FARS2: variants seen among roughly 807,000 people sequenced by gnomAD.
FARS2 encodes the protein phenylalanyl-tRNA synthetase 2, mitochondrial.
Under a neutral mutation model 46.4 loss-of-function variants are expected in FARS2, and 40 were observed. The ratio of observed to expected loss-of-function variants is 0.86; its 90% confidence interval spans 0.67 to 1.12. The LOEUF (loss-of-function observed/expected upper bound fraction) is 1.12, where lower values mean the gene tolerates loss of function less well. Among genes scored for constraint, FARS2 ranks in the 50% most tolerant of loss-of-function variants. FARS2 has a pLI of 0.00. For missense variants in FARS2, 513 were observed against 567.9 expected (o/e 0.90, Z 0.98); for synonymous variants, 234 against 214.9 (o/e 1.09, Z -0.78).
chr6:5,728,211 G>A (rs1037827709), intron 6 of FARS2, among the ~76,000 whole-genome samples: 15 of 152,174 alleles, frequency 9.9e-5, no homozygotes, highest in Admixed American at 4.6e-4. Context: ...GAATTAGGCC[G>A]GGCCTGCAAT....
chr6:5,633,007 C>G (rs926638682), intron 6 of FARS2, among the ~76,000 whole-genome samples: 1 of 151,746 alleles, frequency 6.6e-6, no homozygotes, highest in Non-Finnish European at 1.5e-5. Flanking sequence ...TTTTTTCTTT[C>G]CTTTCTTTGC....
chr6:5,511,125 G>A (rs1274268364), intron 4 of FARS2, among the ~76,000 whole-genome samples: 1 of 152,160 alleles, frequency 6.6e-6, no homozygotes, highest in Non-Finnish European at 1.5e-5. Context: ...TTGGTCCAAC[G>A]TTTAGTCAAA....
In FARS2 at chr6:5,500,386, C is replaced by T. The variant is rs576853415; in HGVS notation, c.905-44794C>T. Among the ~76,000 whole-genome samples, 9 of 152,270 alleles carry T rather than the reference C, an allele frequency of 5.9e-5. 2 individuals are homozygous for T. Among genetic ancestry groups the T allele is most frequent in the African/African-American group, 1.9e-4 (8 of 41,548 alleles). The stretch of plus-strand genomic sequence containing the variant: ...CAAAGAGCTGCCCATATGGTTCTGT[C>T]GAAGCAGAATGGAGACCAAATAAGA... On this transcript the variant is annotated intron_variant, in intron 4 of 6. Transcript: ENST00000274680.
At chr6:5,260,875 T>C, upstream of FARS2, 2 of 1,442,952 alleles carry the variant, frequency 1.4e-6, no homozygotes, top group South Asian at 2.9e-5. Context: ...GGCCTAAGCC[T>C]AAGCGGGCAG....
chr6:5,400,048 C>T (rs1761162263), intron 2 of FARS2, among the ~76,000 whole-genome samples: 1 of 152,154 alleles, frequency 6.6e-6, no homozygotes, highest in Admixed American at 6.5e-5. Context: ...TCAAATTCAT[C>T]TCCAAAAGGG....
At chr6:5,640,195 T>G (rs1339379310) in intron 6 of FARS2, among the ~76,000 whole-genome samples, 1 of 151,996 alleles carries the variant, frequency 6.6e-6, no homozygotes, top group Non-Finnish European at 1.5e-5. Context: ...CATGCCTGGA[T>G]GCACACGTGT....
At chr6:5,540,908 A>G (rs1336387847) in intron 4 of FARS2, among the ~76,000 whole-genome samples, 1 of 152,166 alleles carries the variant, frequency 6.6e-6, no homozygotes, top group Non-Finnish European at 1.5e-5. Flanking sequence ...TATGACAAGG[A>G]CATATGATGT....
At chr6:5,364,531 T>C (rs1758522570) in intron 1 of FARS2, among the ~76,000 whole-genome samples, 1 of 152,208 alleles carries the variant, frequency 6.6e-6, no homozygotes, top group African/African-American at 2.4e-5. Context: ...AGGAAGATTT[T>C]ATTAATAGTG....
At chr6:5,555,725 T>G (rs892769693) in intron 5 of FARS2, among the ~76,000 whole-genome samples, 1 of 152,164 alleles carries the variant, frequency 6.6e-6, no homozygotes, top group Non-Finnish European at 1.5e-5. Context: ...TTTCTCATTT[T>G]ACTTCCCCCG....
At chr6:5,328,203 G>A (rs1202124643) in intron 1 of FARS2, among the ~76,000 whole-genome samples, 1 of 152,060 alleles carries the variant, frequency 6.6e-6, no homozygotes. Flanking sequence ...TTATTTTTAA[G>A]GAATTAGGAA....
intron 6 of FARS2, among the ~76,000 whole-genome samples, chr6:5,678,217 C>A (rs1778861549): frequency 6.6e-6 from 1 of 152,338 alleles, no homozygotes; most frequent in East Asian, 1.9e-4. Context: ...CCCACGTCCC[C>A]TCCCCTTACC....
intron 4 of FARS2, among the ~76,000 whole-genome samples, chr6:5,465,277 T>C (rs1049204653): frequency 9.9e-5 from 15 of 152,228 alleles, no homozygotes; most frequent in Non-Finnish European, 1.8e-4. Flanking sequence ...TCAGCAACTG[T>C]CTGTTAAGCC....
rs542596039 is a variant in FARS2, at chr6:5,537,280, C to G, written c.905-7900C>G. On this transcript the variant is annotated intron_variant, in intron 4 of 6. Coordinates refer to ENST00000274680, the MANE Select transcript of FARS2 (RefSeq NM_006567.5). ...AGTATCCCTACCCCTTCCCCAGTGC[C>G]TTCCACAGACAGCACAGACATCCTG... 2.0e-3 allele frequency among the ~76,000 whole-genome samples: 311 copies of G among 152,346 alleles called. 1 individual carries two copies. Among genetic ancestry groups the G allele is most frequent in the Middle Eastern group, 6.8e-3 (2 of 294 alleles).
rs150341746 is a variant in FARS2, at chr6:5,382,108, G to A, written c.612+12926G>A. 5.3e-5 allele frequency among the ~76,000 whole-genome samples: 8 copies of A among 152,320 alleles called. No individual in the cohort carries two copies. In the East Asian group the frequency reaches 5.8e-4, roughly 11 times the overall value. On this transcript the variant is annotated intron_variant, in intron 2 of 6. Coordinates refer to ENST00000274680, the MANE Select transcript of FARS2 (RefSeq NM_006567.5). ...CTTGTTATGTGTTGGACTTTAGATAGCGTGTGTGTATTCTTTAAGGTTTAT... is the reference window on the plus strand; with the variant it reads ...CTTGTTATGTGTTGGACTTTAGATAACGTGTGTGTATTCTTTAAGGTTTAT...
chr6:5,293,963 AAAG>A (rs762596515), intron 1 of FARS2, among the ~76,000 whole-genome samples: 3 of 152,246 alleles, frequency 2.0e-5, no homozygotes, highest in Non-Finnish European at 4.4e-5. Flanking sequence ...GATCATCAAA[AAAG>A]AAGTTTAATG....
At chr6:5,260,266 C>T (rs997613276), upstream of FARS2, among the ~76,000 whole-genome samples, 2 of 152,248 alleles carry the variant, frequency 1.3e-5, no homozygotes, top group Non-Finnish European at 2.9e-5. Context: ...ACTCTCAACT[C>T]TTCCAGTGCT....
rs374194786 is a variant in FARS2 at position 5,639,857 on chromosome 6, G to A, written c.1217+26537G>A. Among the ~76,000 whole-genome samples the A allele has an allele frequency of 2.6e-5, 4 of 152,342 alleles. No homozygotes were observed. In the South Asian group the frequency reaches 6.2e-4, roughly 24 times the overall value. ...CATCCTGGGCATTGGCTGGAACCCA[G>A]AGGTCTTTGAAGAGTGACCTGCTTT... On this transcript the variant is annotated intron_variant, in intron 6 of 6. Transcript: ENST00000274680.
intron 6 of FARS2, among the ~76,000 whole-genome samples, chr6:5,731,474 A>T (rs576715366): frequency 1.8e-4 from 27 of 151,908 alleles, no homozygotes; most frequent in Non-Finnish European, 1.8e-4. Context: ...TTCTGCACTC[A>T]CGCCCTGGGC....
intron 1 of FARS2, among the ~76,000 whole-genome samples, chr6:5,287,437 C>T (rs936265648): frequency 6.6e-6 from 1 of 152,158 alleles, no homozygotes; most frequent in East Asian, 1.9e-4. Context: ...ACTGTTTCCT[C>T]TTTTTATCCT....
Sources: gnomAD v4.1 joint callset for allele counts (sites outside exome capture counted in the v4.1 genomes callset) on GRCh38, gnomAD v4.1.1 for gene constraint, MANE v1.5 for transcripts, NCBI Gene and HGNC (gene_info 2026-07-23, HGNC 2026-07-21) for gene names.